Variants in SEL1L2 observed in about 807,000 individuals in gnomAD.
SEL1L2 encodes SEL1L2 adaptor subunit of SYVN1 ubiquitin ligase.
In SEL1L2, 89 loss-of-function variants were observed where a neutral mutation model predicts 98.8. The observed-to-expected ratio is 0.90, with a 90% confidence interval of 0.76 to 1.07. SEL1L2 has a LOEUF of 1.07. Among genes scored for constraint, SEL1L2 ranks in the 50% least tolerant of loss-of-function variants. The pLI is 0.00. For synonymous variants in SEL1L2, 262 were observed against 278.5 expected (o/e 0.94, Z 0.59); for missense variants, 788 against 812.0 (o/e 0.97, Z 0.36).
intron 1 of SEL1L2, among the ~76,000 whole-genome samples, chr20:13,983,035 A>AAAAAAAAAAAAAAAAAAAAAAAAAAAAC (rs2051928591): frequency 7.1e-6 from 1 of 141,286 alleles, no homozygotes; most frequent in African/African-American, 2.6e-5. Context: ...AAAAAAAAAA[A>AAAAAAAAAAAAAAAAAAAAAAAAAAAAC]AAAAAAAAAA....
chr20:13,946,709 G>C (rs1392483961), intron 2 of SEL1L2, among the ~76,000 whole-genome samples: 4 of 152,248 alleles, frequency 2.6e-5, no homozygotes, highest in Non-Finnish European at 5.9e-5. Context: ...GCAGACCCAG[G>C]CATCCCTGTG....
intron 3 of SEL1L2, 137 bp downstream of exon 3, chr20:13,931,466 A>G (rs6131538): frequency 2.2e-6 from 1 of 451,910 alleles, no homozygotes; most frequent in Non-Finnish European, 3.5e-6. Flanking sequence ...AAGGTAGAAG[A>G]CTGCAGAATT....
intron 12 of SEL1L2, among the ~76,000 whole-genome samples, chr20:13,872,137 C>T (rs142569241): frequency 0.02 from 3,016 of 152,286 alleles, 49 homozygotes; most frequent in Non-Finnish European, 0.03. Flanking sequence ...TCTCTCCTGG[C>T]TATATCTCCT....
At position 13,931,664 on chromosome 20, in the gene SEL1L2, T is replaced by C. The variant is rs1022797968; in HGVS notation, c.222A>G (p.Gln74=). 1 of 1,527,858 alleles carries C rather than the reference T, an allele frequency of 6.5e-7. No homozygotes were observed. Among genetic ancestry groups the C allele is most frequent in the Non-Finnish European group, 8.9e-7 (1 of 1,122,430 alleles). 94.6% of individuals were successfully genotyped at this position (1,527,858 alleles called of 1,614,324 possible). A position where few individuals can be genotyped will look rare whatever the true frequency, so the allele number is the denominator to read the frequency against. ...GAATTCCTTTTATTCTTATTTTACG[T>C]TGATTCTTCTTTTTCTCCAGGAGAT... The part of the protein sequence containing the change: ...RENLLEKKKN[Q]RKIRIKGIQN... The change falls in exon 3 of 20, where the codon CAA becomes CAG. Residue 74 remains glutamine, a synonymous_variant. Coordinates refer to ENST00000284951, the MANE Select transcript of SEL1L2 (RefSeq NM_025229.2).
Position 13,912,969 on chromosome 20 carries a change from T to A in SEL1L2, c.549+813A>T, listed in dbSNP as rs547023077. Among the ~76,000 whole-genome samples the A allele has an allele frequency of 9.2e-5, 14 of 152,300 alleles. No individual in the cohort carries two copies. The East Asian group carries it at 2.3e-3, about 25-fold the overall frequency. The stretch of plus-strand genomic sequence containing the variant: ...GAGAGTGAAACAAAGGTCAAATTTT[T>A]CATGCAGAAGGAGGTGAAAGGGTTT... On this transcript the variant is annotated intron_variant, in intron 5 of 19. Coordinates refer to ENST00000284951, the MANE Select transcript of SEL1L2 (RefSeq NM_025229.2).
At chr20:13,968,933 G>A (rs571994779) in intron 1 of SEL1L2, among the ~76,000 whole-genome samples, 2 of 152,212 alleles carry the variant, frequency 1.3e-5, no homozygotes, top group East Asian at 3.9e-4. Context: ...AATGTATAAT[G>A]GATATATTGA....
chr20:13,911,713 A>T (rs1187000406), intron 5 of SEL1L2, among the ~76,000 whole-genome samples: 1 of 152,192 alleles, frequency 6.6e-6, no homozygotes, highest in African/African-American at 2.4e-5. Context: ...TCTATGATAC[A>T]TTGTTAAGTG....
intron 5 of SEL1L2, among the ~76,000 whole-genome samples, chr20:13,895,181 G>C (rs969854005): frequency 6.6e-6 from 1 of 152,208 alleles, no homozygotes; most frequent in Non-Finnish European, 1.5e-5. Context: ...AGTGGCTCAT[G>C]CCTGTAATCC....
At chr20:13,956,023 C>T (rs891927028) in intron 2 of SEL1L2, 53 bp downstream of exon 2, 2 of 957,162 alleles carry the variant, frequency 2.1e-6, no homozygotes, top group Non-Finnish European at 3.3e-6. Flanking sequence ...AAAACTAGTG[C>T]CTATAGCCTA....
chr20:13,983,955 T>C (rs1160223998), intron 1 of SEL1L2, among the ~76,000 whole-genome samples: 2 of 152,106 alleles, frequency 1.3e-5, no homozygotes, highest in African/African-American at 2.4e-5. Context: ...CAGGAAGAAC[T>C]CTATAATCAT....
chr20:13,957,588 A>C (rs575198600), intron 1 of SEL1L2, among the ~76,000 whole-genome samples: 5 of 152,306 alleles, frequency 3.3e-5, no homozygotes, highest in Non-Finnish European at 7.4e-5. Flanking sequence ...ATTCTAAATA[A>C]AAATTAGGCT....
intron 2 of SEL1L2, among the ~76,000 whole-genome samples, chr20:13,947,588 G>A (rs1181803427): frequency 2.7e-5 from 4 of 150,620 alleles, no homozygotes; most frequent in Non-Finnish European, 5.9e-5. Context: ...AATTGAAAGA[G>A]CTGTAACACA....
At chr20:13,895,130 A>G (rs764960428) in intron 5 of SEL1L2, among the ~76,000 whole-genome samples, 16 of 152,198 alleles carry the variant, frequency 1.1e-4, no homozygotes, top group Non-Finnish European at 2.1e-4. Context: ...CTCCTGAAAT[A>G]CAAGAATGTT....
At chr20:13,908,370 T>C (rs1443075855) in intron 5 of SEL1L2, among the ~76,000 whole-genome samples, 1 of 152,086 alleles carries the variant, frequency 6.6e-6, no homozygotes, top group Non-Finnish European at 1.5e-5. Flanking sequence ...GCAATCCTCC[T>C]GCTTCAGCCT....
chr20:13,968,649 G>C (rs1007671443), intron 1 of SEL1L2, among the ~76,000 whole-genome samples: 6 of 152,162 alleles, frequency 3.9e-5, no homozygotes, highest in Non-Finnish European at 5.9e-5. Context: ...TTGGCTGTTG[G>C]AGGAAAAGAA....
chr20:13,993,902 T>C (rs1601085405), upstream of SEL1L2, among the ~76,000 whole-genome samples: 1 of 152,370 alleles, frequency 6.6e-6, no homozygotes, highest in South Asian at 2.1e-4. Context: ...GACCTCTTTC[T>C]ATTTCTAGTG....
At chr20:13,901,260 C>T (rs925585914) in intron 5 of SEL1L2, among the ~76,000 whole-genome samples, 4 of 151,726 alleles carry the variant, frequency 2.6e-5, no homozygotes, top group African/African-American at 7.3e-5. Flanking sequence ...TTAGTAGAGA[C>T]GGGGTTTCAC....
At chr20:13,923,706 ATT>A (rs1191201604) in intron 3 of SEL1L2, among the ~76,000 whole-genome samples, 1 of 152,232 alleles carries the variant, frequency 6.6e-6, no homozygotes, top group East Asian at 1.9e-4. Context: ...GTGGGCCGAG[ATT>A]GTGCCACTGC....
chr20:13,986,310 T>C (rs927878853), intron 1 of SEL1L2, among the ~76,000 whole-genome samples: 2 of 152,196 alleles, frequency 1.3e-5, no homozygotes, highest in Non-Finnish European at 2.9e-5. Flanking sequence ...ATTTAGTGCA[T>C]TCCCAGTGTT....
Sources: gnomAD v4.1 joint callset for allele counts (sites outside exome capture counted in the v4.1 genomes callset) on GRCh38, gnomAD v4.1.1 for gene constraint, MANE v1.5 for transcripts, NCBI Gene and HGNC (gene_info 2026-07-23, HGNC 2026-07-21) for gene names.